Variants in DGKB observed in about 807,000 individuals in gnomAD.
The protein encoded by DGKB is diacylglycerol kinase beta.
Under a neutral mutation model 114.3 loss-of-function variants are expected in DGKB, and 67 were observed. That is an observed-to-expected ratio of 0.59 (90% CI 0.48 to 0.72). DGKB has a LOEUF of 0.72. Among genes scored for constraint, DGKB ranks in the 30% least tolerant of loss-of-function variants. DGKB has a pLI of 0.00. For missense variants in DGKB, 907 were observed against 975.2 expected (o/e 0.93, Z 0.93); for synonymous variants, 398 against 323.1 (o/e 1.23, Z -2.49).
intron 23 of DGKB, among the ~76,000 whole-genome samples, chr7:14,290,592 A>G (rs937599376): frequency 6.6e-6 from 1 of 152,074 alleles, no homozygotes; most frequent in Non-Finnish European, 1.5e-5. Context: ...GGTGGTTGTG[A>G]TGTGGAAGGA....
intron 5 of DGKB, among the ~76,000 whole-genome samples, chr7:14,728,761 T>G (rs1325361812): frequency 6.6e-6 from 1 of 151,042 alleles, no homozygotes; most frequent in Non-Finnish European, 1.5e-5. Context: ...TGGAGTGCAG[T>G]GGCGCCATCT....
chr7:14,166,751 GTTT>G (rs757490245), intron 25 of DGKB, among the ~76,000 whole-genome samples: 1 of 148,544 alleles, frequency 6.7e-6, no homozygotes, highest in South Asian at 2.1e-4. Context: ...TTAGTTTTTA[GTTT>G]TTTTCTCTAC....
At chr7:14,305,596 A>T (rs1268171248) in intron 23 of DGKB, among the ~76,000 whole-genome samples, 1 of 152,172 alleles carries the variant, frequency 6.6e-6, no homozygotes, top group African/African-American at 2.4e-5. Flanking sequence ...TGTTAACAAC[A>T]GCATTTATTT....
At chr7:14,270,354 C>G (rs147084302) in intron 23 of DGKB, among the ~76,000 whole-genome samples, 1 of 152,262 alleles carries the variant, frequency 6.6e-6, no homozygotes, top group East Asian at 1.9e-4. Flanking sequence ...ACCTTCTTAG[C>G]CTCTCTTGCC....
chr7:14,248,087 C>A (rs367562178), intron 23 of DGKB, among the ~76,000 whole-genome samples: 3 of 152,148 alleles, frequency 2.0e-5, no homozygotes, highest in East Asian at 3.9e-4. Context: ...GGTTTCCCAA[C>A]ACCATTTGTT....
At chr7:14,713,407 A>G (rs1827678964) in intron 6 of DGKB, among the ~76,000 whole-genome samples, 1 of 139,452 alleles carries the variant, frequency 7.2e-6, no homozygotes, top group Non-Finnish European at 1.6e-5. Flanking sequence ...ATACTGATTT[A>G]ATAAACTTTA....
intron 23 of DGKB, among the ~76,000 whole-genome samples, chr7:14,218,666 T>C (rs1206078694): frequency 2.0e-5 from 3 of 152,212 alleles, no homozygotes; most frequent in East Asian, 3.9e-4. Flanking sequence ...TTATGGACTT[T>C]CTAAACTAAA....
intron 20 of DGKB, among the ~76,000 whole-genome samples, chr7:14,529,329 T>C (rs1292181937): frequency 6.6e-6 from 1 of 151,902 alleles, no homozygotes. Context: ...GTGTTTGTTA[T>C]AAAAGTTGAA....
At chr7:14,235,992 C>T (rs566842102) in intron 23 of DGKB, among the ~76,000 whole-genome samples, 3 of 152,006 alleles carry the variant, frequency 2.0e-5, no homozygotes, top group South Asian at 4.1e-4. Context: ...TACACAAAAA[C>T]AATTTATGCT....
chr7:14,421,865 G>C (rs1456881092), intron 21 of DGKB, among the ~76,000 whole-genome samples: 4 of 151,804 alleles, frequency 2.6e-5, no homozygotes, highest in African/African-American at 9.7e-5. Context: ...ACAAATATGG[G>C]GCTCAGAAGT....
At chr7:14,196,458 TC>T (rs1398691585) in intron 23 of DGKB, among the ~76,000 whole-genome samples, 3 of 151,988 alleles carry the variant, frequency 2.0e-5, no homozygotes, top group Admixed American at 6.6e-5. Flanking sequence ...ATTTTTCTCC[TC>T]CCCCCACACT....
intron 21 of DGKB, among the ~76,000 whole-genome samples, chr7:14,401,902 A>T (rs1396282472): frequency 1.3e-5 from 2 of 151,784 alleles, no homozygotes; most frequent in Non-Finnish European, 1.5e-5. Flanking sequence ...ACCTGTGAAT[A>T]AAGAAAGCCT....
intron 23 of DGKB, among the ~76,000 whole-genome samples, chr7:14,233,421 G>A (rs1792223191): frequency 6.6e-6 from 1 of 151,950 alleles, no homozygotes; most frequent in South Asian, 2.1e-4. Context: ...CTTTGTTCTT[G>A]CCTATAAATT....
At chr7:14,280,779 G>A (rs1371241504) in intron 23 of DGKB, among the ~76,000 whole-genome samples, 1 of 148,866 alleles carries the variant, frequency 6.7e-6, no homozygotes, top group East Asian at 2.0e-4. Context: ...AAGTGAAGGA[G>A]AAATAAAATA....
intron 17 of DGKB, among the ~76,000 whole-genome samples, chr7:14,594,233 T>C (rs1224249014): frequency 6.6e-6 from 1 of 152,132 alleles, no homozygotes; most frequent in East Asian, 1.9e-4. Context: ...ACTTAGTATT[T>C]TCATACTGTA....
At chr7:14,318,523 G>A (rs1189262215) in intron 23 of DGKB, among the ~76,000 whole-genome samples, 15 of 152,148 alleles carry the variant, frequency 9.9e-5, no homozygotes, top group African/African-American at 3.4e-4. Context: ...GCAGCCAAAA[G>A]ACACATGAAA....
chr7:14,578,207 A>G (rs1799444316), intron 19 of DGKB, among the ~76,000 whole-genome samples: 2 of 152,076 alleles, frequency 1.3e-5, no homozygotes, highest in Admixed American at 6.5e-5. Context: ...CACCTTCACG[A>G]TTGTAAGTTT....
chr7:14,630,268 T>G lies in DGKB; in HGVS notation c.1135A>C (p.Thr379Pro). 6.4e-7 allele frequency: 1 copy of G among 1,554,886 alleles called. No homozygotes were observed. Among genetic ancestry groups the G allele is most frequent in the Non-Finnish European group, 8.7e-7 (1 of 1,150,058 alleles). The change falls in exon 14 of 26, where the codon ACT becomes CCT. Residue 379 changes from threonine (T) to proline (P), a missense_variant and splice_region_variant. Coordinates refer to ENST00000402815, the MANE Select transcript of DGKB (RefSeq NM_001350709.2). ...ACTGAAACTCCTGAAGTGGGCAGAG[T>G]CTGCTGAAAAAGAGAAGTTCATATG... ...PPTTICPVVL[T>P]LPTSGVSVPE...
At chr7:14,861,194 A>C (rs1850927708) in intron 1 of DGKB, among the ~76,000 whole-genome samples, 1 of 151,962 alleles carries the variant, frequency 6.6e-6, no homozygotes, top group African/African-American at 2.4e-5. Flanking sequence ...TGAGTATTTT[A>C]TATTTTATAT....
Sources: allele counts gnomAD v4.1 joint callset (sites outside exome capture counted in the v4.1 genomes callset), GRCh38; gene constraint gnomAD v4.1.1; transcripts MANE v1.5; gene names NCBI Gene and HGNC (gene_info 2026-07-23, HGNC 2026-07-21).